Variants in RPS2 observed in about 807,000 individuals in gnomAD.
RPS2 encodes the protein ribosomal protein S2, also known as small ribosomal subunit protein uS5.
Under a neutral mutation model 25.3 loss-of-function variants are expected in RPS2, and 8 were observed. That is an observed-to-expected ratio of 0.32 (90% CI 0.19 to 0.57). The LOEUF is 0.57. Ranked by LOEUF, RPS2 falls within the 20% of genes least tolerant of loss-of-function variation. RPS2 has a pLI of 0.90. For missense variants in RPS2, 229 were observed against 408.1 expected (o/e 0.56, Z 3.78); for synonymous variants, 181 against 161.3 (o/e 1.12, Z -0.92).
chr16:1,963,794 C>T (rs750780683), intron 3 of RPS2: 2 of 457,838 alleles, frequency 4.4e-6, no homozygotes, highest in South Asian at 3.1e-5. Flanking sequence ...CTCAGATTTC[C>T]TTTTGCTTTG....
intron 3 of RPS2, chr16:1,963,770 G>A (rs2083280832): frequency 6.6e-6 from 3 of 457,264 alleles, no homozygotes; most frequent in Non-Finnish European, 1.3e-5. Context: ...TGTTTGGTGA[G>A]ATGTGGCTTT....
In RPS2 at chr16:1,962,269, G is replaced by A. The variant is rs1386911053; in HGVS notation, c.711C>T (p.Ala237=). ...TAGAAATGGCATCAAAGGTGGCCTTGGCTGCAAAACAAAAGAACCCCAGGA... is the reference window on the plus strand; with the variant it reads ...TAGAAATGGCATCAAAGGTGGCCTTAGCTGCAAAACAAAAGAACCCCAGGA... ...RGCTATLGNF[A]KATFDAISKT... is the part of the protein sequence containing the mutation. Residue 237 remains alanine (A), a splice_region_variant and synonymous_variant, in exon 7 of 7, where the codon GCC becomes GCT. Transcript: ENST00000343262. The A allele has an allele frequency of 1.2e-6, 2 of 1,613,132 alleles. No individual in the cohort carries two copies. The highest frequency in any genetic ancestry group is 1.3e-5 in the African/African-American group (1 of 74,998).
chr16:1,963,296 A>C (rs1469613167), intron 3 of RPS2, 40 bp from the exon 4 acceptor site: 3 of 1,327,564 alleles, frequency 2.3e-6, no homozygotes, highest in African/African-American at 3.0e-5. Flanking sequence ...GCATTAAAAA[A>C]AAACTTAATA....
Position 1,964,306 on chromosome 16 carries a change from C to T in RPS2, c.237G>A (p.Glu79=), listed in dbSNP as rs142880060. 19 of 1,613,144 alleles carry T rather than the reference C, an allele frequency of 1.2e-5. No homozygotes were observed. Among genetic ancestry groups the T allele is most frequent in the African/African-American group, 1.1e-4 (8 of 74,940 alleles). The part of the protein sequence containing the change: ...LVKDMKIKSL[E]EIYLFSLPIK... Reference sequence around the variant, plus strand: ...TAGGCAGGGAGAAGAGATAGATCTCCTCCAGGGACTTGATCTTCATGTCCT... The same window carrying T: ...TAGGCAGGGAGAAGAGATAGATCTCTTCCAGGGACTTGATCTTCATGTCCT... Residue 79 remains glutamate, a synonymous_variant, in exon 3 of 7, where the codon GAG becomes GAA. Coordinates refer to ENST00000343262, the MANE Select transcript of RPS2 (RefSeq NM_002952.4).
rs151289639 is a variant in RPS2 at position 1,962,276 on chromosome 16, A to G, written c.710-6T>C. 1.9e-5 allele frequency: 31 copies of G among 1,612,870 alleles called. No homozygotes were observed. In the African/African-American group the frequency reaches 2.5e-4, roughly 13 times the overall value. Reference sequence around the variant, plus strand: ...GGCATCAAAGGTGGCCTTGGCTGCAAAACAAAAGAACCCCAGGAGGGTCAG... The same window carrying G: ...GGCATCAAAGGTGGCCTTGGCTGCAGAACAAAAGAACCCCAGGAGGGTCAG... On this transcript the variant is annotated splice_region_variant and splice_polypyrimidine_tract_variant and intron_variant, in intron 6 of 6. Coordinates refer to ENST00000343262, the MANE Select transcript of RPS2 (RefSeq NM_002952.4).
intron 3 of RPS2, 48 bp from the exon 4 acceptor site, chr16:1,963,304 A>C: frequency 4.0e-6 from 5 of 1,260,228 alleles, no homozygotes; most frequent in Non-Finnish European, 5.5e-6. Flanking sequence ...AAAAAACTTA[A>C]TACCATTATG....
chr16:1,963,283 A>G, intron 3 of RPS2, 27 bp from the exon 4 acceptor site: 1 of 1,408,646 alleles, frequency 7.1e-7, no homozygotes, highest in Non-Finnish European at 9.7e-7. Flanking sequence ...AATTGTAGGG[A>G]GAGCATTAAA....
chr16:1,962,384 G>A lies in RPS2; in HGVS notation c.709+113C>T. The A allele has an allele frequency of 2.2e-6, 3 of 1,374,676 alleles. 1 individual carries two copies. The highest frequency in any genetic ancestry group is 3.1e-6 in the Non-Finnish European group (3 of 961,900). The allele number at this position is 1,374,676 out of a possible 1,614,324, so 85.2% of individuals were successfully genotyped here. Reference sequence around the variant, plus strand: ...AGGCCATTCTGGGCGGGTCTGTCGTGCATTAGGAGAGCCTTTCTCTGCCTC... The same window carrying A: ...AGGCCATTCTGGGCGGGTCTGTCGTACATTAGGAGAGCCTTTCTCTGCCTC... On this transcript the variant is annotated intron_variant, in intron 6 of 6. Transcript: ENST00000343262.
intron 3 of RPS2, 90 bp from the exon 4 acceptor site, chr16:1,963,346 G>C (rs571724339): frequency 2.9e-5 from 24 of 826,878 alleles, no homozygotes; most frequent in Non-Finnish European, 3.8e-6. Context: ...GGCCGGGGGC[G>C]GTGGCTCAAG....
At chr16:1,962,367 CTGGGCGGGTCTGTCG>C (rs1567316776) in intron 6 of RPS2, 97 bp from the exon 7 acceptor site, 1 of 1,378,692 alleles carries the variant, frequency 7.3e-7, no homozygotes, top group South Asian at 1.2e-5. Flanking sequence ...AGAGGCCATT[CTGGGCGGGTCTGTCG>C]TGCATTAGGA....
Position 1,964,375 on chromosome 16 carries a change from G to T in RPS2, c.178-10C>A, listed in dbSNP as rs778277310. 38 of 1,613,322 alleles carry T rather than the reference G, an allele frequency of 2.4e-5. No individual in the cohort carries two copies. The highest frequency in any genetic ancestry group is 3.2e-5 in the Non-Finnish European group (38 of 1,180,008). ...TGGTGACGGGCATCCACTAAAGGGA[G>T]AAAAGGCGCCAGTGACCAGGACCGC... On this transcript the variant is annotated splice_polypyrimidine_tract_variant and intron_variant, in intron 2 of 6. Transcript: ENST00000343262.
rs1418482159 is a variant in RPS2, at chr16:1,962,534, G to A, written c.672C>T (p.Thr224=). ...GGGTGGCAGTGCAGCCCCGGGCTGA[G>A]GTGTAGCAGTCATCGATACCAGCCA... ...LMMAGIDDCY[T]SARGCTATLG... is the part of the protein sequence containing the mutation. Residue 224 remains threonine (T), a synonymous_variant, in exon 6 of 7, where the codon ACC becomes ACT. Transcript: ENST00000343262. 12 of 1,611,844 alleles carry A rather than the reference G, an allele frequency of 7.4e-6. No homozygotes were observed. The highest frequency in any genetic ancestry group is 1.3e-5 in the African/African-American group (1 of 74,870).
chr16:1,962,675 A>C lies in RPS2; in HGVS notation c.550-19T>G. ...CTGTCACCTGGTGAGGGAAGGAGTC[A>C]GGAGACGGGGGCCCGAGGGAGCCTG... is the stretch of plus-strand genomic sequence containing the variant. On this transcript the variant is annotated intron_variant, in intron 5 of 6. Transcript: ENST00000343262. The C allele has an allele frequency of 6.3e-7, 1 of 1,588,724 alleles. No individual in the cohort carries two copies. The highest frequency in any genetic ancestry group is 8.6e-7 in the Non-Finnish European group (1 of 1,168,116).
In RPS2 at chr16:1,962,639, G is replaced by A. The variant is rs2083267476; in HGVS notation, c.567C>T (p.Gly189=). Residue 189 remains glycine (G), a synonymous_variant, in exon 6 of 7, where the codon GGC becomes GGT. Transcript: ENST00000343262. ...CAGGGATGAGGCGTACCAGCACAGA[G>A]CCGCAGCGGCCTGTCACCTGGTGAG... The part of the protein sequence containing the change: ...TVPCKVTGRC[G]SVLVRLIPAP... The A allele has an allele frequency of 6.2e-7, 1 of 1,603,140 alleles. No individual in the cohort carries two copies. Among genetic ancestry groups the A allele is most frequent in the South Asian group, 1.1e-5 (1 of 90,142 alleles).
At chr16:1,962,971 G>A (rs1192440994) in intron 4 of RPS2, 62 bp from the exon 5 acceptor site, 3 of 1,562,464 alleles carry the variant, frequency 1.9e-6, no homozygotes, top group Admixed American at 3.3e-5. Flanking sequence ...CCACCGCCCA[G>A]GGCCTGTTGC....
intron 3 of RPS2, chr16:1,963,861 C>G: frequency 2.3e-6 from 1 of 441,586 alleles, no homozygotes; most frequent in Non-Finnish European, 4.5e-6. Context: ...GCTCACATGA[C>G]AAATATGCCA....
intron 3 of RPS2, chr16:1,963,820 G>T (rs766802310): frequency 8.7e-6 from 4 of 458,490 alleles, no homozygotes; most frequent in South Asian, 4.7e-5. Context: ...CTTTGGCCTA[G>T]CCATGACCAC....
At chr16:1,963,364 T>C (rs2083275577) in intron 3 of RPS2, 108 bp from the exon 4 acceptor site, 1 of 684,610 alleles carries the variant, frequency 1.5e-6, no homozygotes, top group Non-Finnish European at 2.5e-6. Context: ...AAGCCTGTAA[T>C]CCCAGCACTT....
intron 3 of RPS2, chr16:1,963,659 TC>T (rs146974237): frequency 0.13 from 43,804 of 345,410 alleles, 3,943 homozygotes; most frequent in South Asian, 0.25. Flanking sequence ...TCACCTGGCT[TC>T]CCCCCGATCT....
Sources: allele counts gnomAD v4.1 joint callset, GRCh38; gene constraint gnomAD v4.1.1; transcripts MANE v1.5; gene names NCBI Gene and HGNC (gene_info 2026-07-23, HGNC 2026-07-21).